Variants in PPP5C observed in about 807,000 individuals in gnomAD.
PPP5C encodes the protein serine/threonine-protein phosphatase 5.
PPP5C carries 21 observed loss-of-function variants against 66.7 expected under a neutral mutation model. The ratio of observed to expected loss-of-function variants is 0.31; its 90% confidence interval spans 0.22 to 0.45. The LOEUF (loss-of-function observed/expected upper bound fraction) is 0.45, where lower values mean the gene tolerates loss of function less well. Among genes scored for constraint, PPP5C ranks in the 20% least tolerant of loss-of-function variants. PPP5C has a pLI of 1.00. For missense variants in PPP5C, 464 were observed against 675.9 expected (o/e 0.69, Z 3.48); for synonymous variants, 246 against 257.4 (o/e 0.96, Z 0.43).
intron 7 of PPP5C, among the ~76,000 whole-genome samples, chr19:46,385,379 C>T (rs1263201574): frequency 6.6e-6 from 1 of 152,156 alleles, no homozygotes; most frequent in Non-Finnish European, 1.5e-5. Context: ...TGTGCTGGTT[C>T]ACACCTGTAA....
chr19:46,376,466 G>C lies in PPP5C; in HGVS notation c.525G>C (p.Glu175Asp). The change falls in exon 4 of 13, where the codon GAG becomes GAC. Residue 175 changes from glutamate (E) to aspartate (D), a missense_variant. By Grantham distance (45) the Glu-to-Asp change is conservative. Around this residue, in one of 2 missense-constraint regions of PPP5C, gnomAD observed 387 missense variants for 626.0 expected, o/e 0.62. Transcript: ENST00000012443. This position sits in a 1 kb window ranked among gnomAD's most constrained non-coding sequence, Gnocchi z 5.1. ...LDIESMTIED[E>D]YSGPKLEDGK... ...TTCACACCCTAGCCATTGAGGATGA[G>C]TACAGCGGACCCAAGCTTGAAGACG... 6.2e-7 allele frequency: 1 copy of C among 1,613,708 alleles called. No individual in the cohort carries two copies.
chr19:46,347,239 G>A (rs765779324), intron 1 of PPP5C, 22 bp downstream of exon 1: 10 of 1,592,464 alleles, frequency 6.3e-6, no homozygotes, highest in East Asian at 4.6e-5. Flanking sequence ...TGGCAGGGAG[G>A]GTGGACAGTG....
At chr19:46,363,748 G>A (rs1283126221) in intron 2 of PPP5C, among the ~76,000 whole-genome samples, 1 of 152,118 alleles carries the variant, frequency 6.6e-6, no homozygotes, top group Non-Finnish European at 1.5e-5. Context: ...CTTCTAATTT[G>A]TGAGTGCTCG....
rs891593152 is a variant in PPP5C, at chr19:46,387,803, G to A, written c.1135+350G>A. On this transcript the variant is annotated intron_variant, in intron 9 of 12. Coordinates refer to ENST00000012443, the MANE Select transcript of PPP5C (RefSeq NM_006247.4). Reference sequence around the variant, plus strand: ...AGAGAGTTCACCCACAGGTGCACACGCACGTGCACACTGTGAGTGCTGCAG... The same window carrying A: ...AGAGAGTTCACCCACAGGTGCACACACACGTGCACACTGTGAGTGCTGCAG... The A allele has an allele frequency of 4.1e-5, 45 of 1,099,348 alleles. No individual in the cohort carries two copies. The East Asian group carries it at 1.4e-3, about 33-fold the overall frequency. The allele number at this position is 1,099,348 out of a possible 1,614,324, so 68.1% of individuals were successfully genotyped here.
intron 7 of PPP5C, among the ~76,000 whole-genome samples, chr19:46,386,425 G>T (rs561626828): frequency 4.6e-5 from 7 of 152,266 alleles, no homozygotes; most frequent in Admixed American, 2.0e-4. Flanking sequence ...TGTGGGCCTC[G>T]TTGCAGGAGG....
At chr19:46,355,915 A>C (rs1439986683) in intron 2 of PPP5C, among the ~76,000 whole-genome samples, 1 of 152,012 alleles carries the variant, frequency 6.6e-6, no homozygotes, top group African/African-American at 2.4e-5. Flanking sequence ...CTGCAGGAGC[A>C]TCTTTCCCCA....
Position 46,347,144 on chromosome 19 carries a change from G to A in PPP5C, c.48G>A (p.Arg16=), listed in dbSNP as rs139958712. ...GGACTGAGTGTGCTGAGCCCCCCCG[G>A]GACGAACCCCCGGCTGATGGAGCTC... ...GERTECAEPP[R]DEPPADGALK... is the part of the protein sequence containing the mutation. Residue 16 remains arginine (R), a synonymous_variant, in exon 1 of 13, where the codon CGG becomes CGA. Coordinates refer to ENST00000012443, the MANE Select transcript of PPP5C (RefSeq NM_006247.4). The A allele has an allele frequency of 1.9e-6, 3 of 1,605,536 alleles. No homozygotes were observed. Among genetic ancestry groups the A allele is most frequent in the Non-Finnish European group, 2.6e-6 (3 of 1,176,344 alleles).
At chr19:46,374,569 T>C (rs769220686) in intron 2 of PPP5C, among the ~76,000 whole-genome samples, 9 of 152,232 alleles carry the variant, frequency 5.9e-5, no homozygotes, top group South Asian at 2.1e-4. Context: ...GATCAGAGTT[T>C]GCAGGAATCG....
intron 6 of PPP5C, 49 bp from the exon 7 acceptor site, chr19:46,384,755 C>A: frequency 1.4e-6 from 2 of 1,451,916 alleles, no homozygotes; most frequent in Non-Finnish European, 1.9e-6. Flanking sequence ...AACCCCACCG[C>A]ACCGCACCCT....
intron 8 of PPP5C, 58 bp downstream of exon 8, chr19:46,387,293 G>A (rs2147405288): frequency 1.9e-6 from 3 of 1,612,782 alleles, no homozygotes; most frequent in Non-Finnish European, 1.7e-6. Flanking sequence ...CTGGGCAGAT[G>A]TGCTGGTGAA....
At chr19:46,355,377 G>T (rs376097790) in intron 2 of PPP5C, among the ~76,000 whole-genome samples, 1 of 150,458 alleles carries the variant, frequency 6.6e-6, no homozygotes, top group African/African-American at 2.5e-5. Context: ...GCTGGGAGCC[G>T]CGAGTCTGCA....
At chr19:46,386,492 G>T (rs1972889881) in intron 7 of PPP5C, among the ~76,000 whole-genome samples, 1 of 152,124 alleles carries the variant, frequency 6.6e-6, no homozygotes, top group Admixed American at 6.5e-5. Flanking sequence ...ATGCGAGACT[G>T]GGCAGCCTTC....
At chr19:46,370,414 A>G (rs907558037) in intron 2 of PPP5C, among the ~76,000 whole-genome samples, 9 of 152,130 alleles carry the variant, frequency 5.9e-5, no homozygotes, top group Non-Finnish European at 1.3e-4. Context: ...CCACCTCCAC[A>G]CCGTGTCCCA....
At chr19:46,370,845 A>G (rs1972578131) in intron 2 of PPP5C, among the ~76,000 whole-genome samples, 1 of 151,682 alleles carries the variant, frequency 6.6e-6, no homozygotes, top group South Asian at 2.1e-4. Flanking sequence ...GGTTCATACC[A>G]TTCTCCTGCT....
intron 2 of PPP5C, among the ~76,000 whole-genome samples, chr19:46,366,276 A>G (rs1157789287): frequency 3.9e-5 from 6 of 152,158 alleles, no homozygotes; most frequent in African/African-American, 1.2e-4. Context: ...CAGGGTTGAG[A>G]GAATTGCAGC....
In PPP5C at chr19:46,388,368, A is replaced by AGG; in HGVS notation, c.1136-39_1136-38dup. The AGG allele has an allele frequency of 6.3e-7, 1 of 1,587,824 alleles. No homozygotes were observed. Among genetic ancestry groups the AGG allele is most frequent in the Non-Finnish European group, 8.6e-7 (1 of 1,162,848 alleles). ...GGCCTGTGAGTGACCACCCCCGGGG[A>AGG]GGTGGACGAGTCCCTAATGTTTCCC... On this transcript the variant is annotated intron_variant, in intron 9 of 12. Transcript: ENST00000012443. This position sits in a 1 kb window ranked among gnomAD's most constrained non-coding sequence, Gnocchi z 4.9.
At chr19:46,382,815 G>A (rs1020370369) in intron 4 of PPP5C, 73 of 1,031,322 alleles carry the variant, frequency 7.1e-5, no homozygotes, top group African/African-American at 8.6e-5. Flanking sequence ...CAGGCCATCC[G>A]GAAAATCTGG....
rs1241984812 is a variant in PPP5C, at chr19:46,386,384, C to T, written c.905-709C>T. On this transcript the variant is annotated intron_variant, in intron 7 of 12. Coordinates refer to ENST00000012443, the MANE Select transcript of PPP5C (RefSeq NM_006247.4). ...CTCACAGGGTTCACGCAGCAGTGTC[C>T]AGCACAGGGTCAAAGCTCAGGAAGC... Among the ~76,000 whole-genome samples, 7 of 152,264 alleles carry T rather than the reference C, an allele frequency of 4.6e-5. No homozygotes were observed. In the East Asian group the frequency reaches 9.7e-4, roughly 21 times the overall value.
chr19:46,384,340 AG>A (rs1972846298), intron 6 of PPP5C: 1 of 248,454 alleles, frequency 4.0e-6, no homozygotes, highest in Non-Finnish European at 7.9e-6. Flanking sequence ...GGTTAAGAAC[AG>A]GGCCTGGCCC....
Sources: gnomAD v4.1 joint callset for allele counts (sites outside exome capture counted in the v4.1 genomes callset) on GRCh38, gnomAD v4.1.1 for gene constraint, gnomAD v4.1.1 regional missense constraint, Gnocchi (gnomAD v3.1) non-coding constraint, MANE v1.5 for transcripts, NCBI Gene and HGNC (gene_info 2026-07-23, HGNC 2026-07-21) for gene names.